The following GDAP1 variants were observed in gnomAD, a reference collection of about 807,000 sequenced individuals.
GDAP1 encodes the protein ganglioside induced differentiation associated protein 1, also known as ganglioside-induced differentiation-associated protein 1.
GDAP1 carries 34 observed loss-of-function variants against 40.1 expected under a neutral mutation model. The ratio of observed to expected loss-of-function variants is 0.85; its 90% confidence interval spans 0.64 to 1.13. GDAP1 has a LOEUF of 1.13. GDAP1 is among the 50% of genes most tolerant of loss of function. The probability of loss-of-function intolerance (pLI) is 0.00; values close to 1 mark genes in which losing one functional copy is unlikely to be tolerated. For missense variants in GDAP1, 374 were observed against 433.7 expected, an observed-to-expected ratio of 0.86 and a Z score of 1.22; for synonymous variants, 170 against 157.4, an observed-to-expected ratio of 1.08 and a Z score of -0.60.
At chr8:74,470,164 A>G (rs1027519900) in intron 2 of GDAP1, among the ~76,000 whole-genome samples, 1 of 151,806 alleles carries the variant, frequency 6.6e-6, no homozygotes, top group Admixed American at 6.6e-5. Context: ...GTTTCGTCCA[A>G]GTTTTCAAAT....
intron 2 of GDAP1, among the ~76,000 whole-genome samples, chr8:74,469,740 C>T (rs566703121): frequency 2.8e-4 from 42 of 151,034 alleles, no homozygotes; most frequent in African/African-American, 1.0e-3. Flanking sequence ...CTTTGGGAGG[C>T]TGAGGTGGGC....
intron 2 of GDAP1, among the ~76,000 whole-genome samples, chr8:74,458,259 T>A (rs897881993): frequency 2.6e-5 from 4 of 151,776 alleles, no homozygotes; most frequent in Non-Finnish European, 5.9e-5. Flanking sequence ...TATTAAATAT[T>A]AATATATATA....
rs561978973 is a variant in GDAP1, at chr8:74,438,275, C to CA, written c.166-50397dup. ...CAGAGCGAAACTCCATCTCAAAAAA[C>CA]AAAAAACAACAACAAAAAAAGAAGG... On this transcript the variant is annotated intron_variant, in intron 2 of 2. Coordinates refer to the GDAP1 transcript ENST00000523640. 9.0e-3 allele frequency among the ~76,000 whole-genome samples: 1,372 copies of CA among 151,806 alleles called. 11 individuals carry two copies. Among genetic ancestry groups the CA allele is most frequent in the African/African-American group, 0.031 (1,265 of 41,374 alleles).
chr8:74,367,501 T>C (rs1809680194), downstream of GDAP1, among the ~76,000 whole-genome samples: 1 of 151,950 alleles, frequency 6.6e-6, no homozygotes, highest in Non-Finnish European at 1.5e-5. Flanking sequence ...CACCTGAATA[T>C]CTAACTTCGT....
intron 2 of GDAP1, among the ~76,000 whole-genome samples, chr8:74,423,395 T>A (rs1805906737): frequency 6.8e-6 from 1 of 146,984 alleles, no homozygotes; most frequent in African/African-American, 2.5e-5. Flanking sequence ...TACTGTATAT[T>A]ATACATATAT....
At chr8:74,363,225 A>G (rs1809461346) in intron 5 of GDAP1, among the ~76,000 whole-genome samples, 172 bp downstream of exon 5, 1 of 152,348 alleles carries the variant, frequency 6.6e-6, no homozygotes, top group East Asian at 1.9e-4. Context: ...CCAGGTGTCT[A>G]ATTGTAACTC....
At position 74,389,762 on chromosome 8, in the gene GDAP1, A is replaced by T. The variant is rs539073986; in HGVS notation, c.165+38441A>T. ...GGAAGTTCTCCTGGATAATATCCTG[A>T]AGTGTGTTTTCCAACTTGGTTCAAT... On this transcript the variant is annotated intron_variant, in intron 2 of 2. Coordinates refer to the GDAP1 transcript ENST00000523640. Among the ~76,000 whole-genome samples, 12 of 152,266 alleles carry T rather than the reference A, an allele frequency of 7.9e-5. No homozygotes were observed. In the East Asian group the frequency reaches 2.3e-3, roughly 29 times the overall value.
rs1352341207 is a variant in GDAP1 at position 74,422,330 on chromosome 8, TTTCTTTCTTTCTTTCTTTCTTCCCTTCC to T, written c.166-66344_166-66317del. 8.5e-4 allele frequency among the ~76,000 whole-genome samples: 54 copies of T among 63,260 alleles called. 2 individuals are homozygous for T. The Middle Eastern group carries it at 0.028, about 33-fold the overall frequency. The allele number at this position is 63,260 out of a possible 152,430, so 41.5% of individuals were successfully genotyped here. A position where few individuals can be genotyped will look rare whatever the true frequency, so the allele number is the denominator to read the frequency against. ...CTTTCTTTCTTTCTTTCTTTCTTTCTTTCTTTCTTTCTTTCTTTCTTCCCTTCCTTCCTTCCTTCCTTCCTTCCTTCCT... is the reference window on the plus strand; with the variant it reads ...CTTTCTTTCTTTCTTTCTTTCTTTCTTTCCTTCCTTCCTTCCTTCCTTCCT... On this transcript the variant is annotated intron_variant, in intron 2 of 2. Transcript: ENST00000523640.
downstream of GDAP1, among the ~76,000 whole-genome samples, chr8:74,368,734 A>C (rs1278264113): frequency 6.6e-6 from 1 of 152,180 alleles, no homozygotes; most frequent in East Asian, 1.9e-4. Context: ...CATGGCCTGG[A>C]GTAAGGCTTA....
chr8:74,374,224 T>C (rs1319698877), intron 2 of GDAP1, among the ~76,000 whole-genome samples: 2 of 152,188 alleles, frequency 1.3e-5, no homozygotes, highest in African/African-American at 4.8e-5. Context: ...TTCTCTTTTT[T>C]TGTTGTGTCT....
intron 2 of GDAP1, among the ~76,000 whole-genome samples, chr8:74,372,454 C>A (rs146481176): frequency 2.0e-5 from 3 of 151,876 alleles, no homozygotes; most frequent in African/African-American, 4.8e-5. Flanking sequence ...TTTTAATGAT[C>A]GCCATTCTAA....
intron 2 of GDAP1, among the ~76,000 whole-genome samples, chr8:74,393,263 G>A (rs1408579941): frequency 6.6e-6 from 1 of 152,098 alleles, no homozygotes; most frequent in Admixed American, 6.5e-5. Flanking sequence ...GGCAATTTCT[G>A]ATATGGACAA....
chr8:74,441,990 T>G (rs565374063), intron 2 of GDAP1, among the ~76,000 whole-genome samples: 1 of 152,294 alleles, frequency 6.6e-6, no homozygotes, highest in East Asian at 1.9e-4. Context: ...CTCTATTAAA[T>G]TTTCTTAGTC....
intron 3 of GDAP1, among the ~76,000 whole-genome samples, chr8:74,360,653 A>G (rs143021910): frequency 0.015 from 2,276 of 152,296 alleles, 43 homozygotes; most frequent in African/African-American, 0.051. Context: ...GGATCTGCCT[A>G]GGATTATGGG....
chr8:74,480,956 G>T (rs1806703650), intron 2 of GDAP1, among the ~76,000 whole-genome samples: 1 of 152,174 alleles, frequency 6.6e-6, no homozygotes, highest in Non-Finnish European at 1.5e-5. Context: ...ATAAAGCATT[G>T]TTGGGGGTCT....
At chr8:74,381,043 A>G (rs949933869) in intron 2 of GDAP1, among the ~76,000 whole-genome samples, 1 of 151,118 alleles carries the variant, frequency 6.6e-6, no homozygotes, top group African/African-American at 2.4e-5. Context: ...AGGGATTACC[A>G]AGGGGGATGA....
chr8:74,374,720 A>G lies in GDAP1; in HGVS notation c.165+23399A>G, dbSNP rs535603180. Reference sequence around the variant, plus strand: ...AAGAAAATTAAAAATATTAGGAACAAATGTTGCTAACTTAGCAACTAGATG... The same window carrying G: ...AAGAAAATTAAAAATATTAGGAACAGATGTTGCTAACTTAGCAACTAGATG... On this transcript the variant is annotated intron_variant, in intron 2 of 2. Transcript: ENST00000523640. Among the ~76,000 whole-genome samples, 29 of 152,318 alleles carry G rather than the reference A, an allele frequency of 1.9e-4. No individual in the cohort carries two copies. The South Asian group carries it at 6.0e-3, about 32-fold the overall frequency.
intron 2 of GDAP1, among the ~76,000 whole-genome samples, chr8:74,488,246 T>G (rs1402367985): frequency 6.6e-6 from 1 of 152,158 alleles, no homozygotes; most frequent in African/African-American, 2.4e-5. Flanking sequence ...CAGAATATAT[T>G]TTATCTTTTT....
chr8:74,429,907 A>G (rs1025568390), intron 2 of GDAP1, among the ~76,000 whole-genome samples: 6 of 152,176 alleles, frequency 3.9e-5, no homozygotes, highest in African/African-American at 1.2e-4. Context: ...AGCAAAGTAA[A>G]AAGAAAAATA....
Sources: allele counts gnomAD v4.1 joint callset (sites outside exome capture counted in the v4.1 genomes callset), GRCh38; gene constraint gnomAD v4.1.1; transcripts MANE v1.5; gene names NCBI Gene and HGNC (gene_info 2026-07-23, HGNC 2026-07-21).